The following EFCC1 variants were observed in gnomAD, a reference collection of about 807,000 sequenced individuals.
EFCC1 encodes EF-hand and coiled-coil domain containing 1.
EFCC1 carries 50 observed loss-of-function variants against 52.1 expected under a neutral mutation model. The ratio of observed to expected loss-of-function variants is 0.96; its 90% CI spans 0.76 to 1.21. EFCC1 has a LOEUF of 1.21. EFCC1 is among the 50% of genes most tolerant of loss of function. The probability of loss-of-function intolerance (pLI) is 0.00; values close to 1 mark genes in which losing one functional copy is unlikely to be tolerated. For missense variants in EFCC1, 837 were observed against 867.3 expected (o/e 0.97, Z 0.44); for synonymous variants, 399 against 396.5 (o/e 1.01, Z -0.08).
chr3:129,037,637 C>A (rs1011624799), intron 6 of EFCC1, among the ~76,000 whole-genome samples: 4 of 152,176 alleles, frequency 2.6e-5, no homozygotes, highest in African/African-American at 9.7e-5. Flanking sequence ...AAAATTCAAT[C>A]TCCTTTGATT....
chr3:129,038,772 C>G, intron 6 of EFCC1, 59 bp from the exon 7 acceptor site: 1 of 1,560,288 alleles, frequency 6.4e-7, no homozygotes, highest in Non-Finnish European at 8.8e-7. Context: ...CAGTTCCCAT[C>G]GGCTGAACAG....
chr3:129,018,675 C>T (rs1407866096), intron 2 of EFCC1, among the ~76,000 whole-genome samples: 1 of 152,228 alleles, frequency 6.6e-6, no homozygotes, highest in Non-Finnish European at 1.5e-5. Context: ...GAGCAGGGGA[C>T]TGGGCAGGGG....
intron 5 of EFCC1, among the ~76,000 whole-genome samples, chr3:129,036,403 G>A (rs971342456): frequency 1.3e-5 from 2 of 152,236 alleles, no homozygotes; most frequent in Non-Finnish European, 2.9e-5. Context: ...TTAGAAGGCA[G>A]GGGCCACAAA....
Position 129,039,860 on chromosome 3 carries a change from C to T in EFCC1, c.*12C>T. On this transcript the variant is annotated 3_prime_UTR_variant, in exon 8 of 8. Transcript: ENST00000683648. ...TCGTCTCCTGCTGAGGTTACTGGCC[C>T]ACCCTGTGGGCACCCTGCTCAGCCT... The T allele has an allele frequency of 1.9e-6, 3 of 1,591,340 alleles. No individual in the cohort carries two copies. Among genetic ancestry groups the T allele is most frequent in the Non-Finnish European group, 2.6e-6 (3 of 1,164,808 alleles).
intron 5 of EFCC1, among the ~76,000 whole-genome samples, 170 bp from the exon 6 acceptor site, chr3:129,036,807 A>G (rs1315655137): frequency 2.0e-5 from 3 of 152,250 alleles, no homozygotes; most frequent in Non-Finnish European, 1.5e-5. Flanking sequence ...TAGAGTGGGA[A>G]ACAAAATATA....
intron 4 of EFCC1, 51 bp downstream of exon 4, chr3:129,033,017 G>T: frequency 6.9e-7 from 1 of 1,444,204 alleles, no homozygotes. Flanking sequence ...CTCCAGAGGT[G>T]TCTGGGGAAG....
chr3:129,027,703 C>T (rs1001455375), intron 2 of EFCC1, among the ~76,000 whole-genome samples: 1 of 152,096 alleles, frequency 6.6e-6, no homozygotes, highest in Admixed American at 6.5e-5. Flanking sequence ...CGCCTGTAAT[C>T]TCAGCACTTT....
intron 2 of EFCC1, among the ~76,000 whole-genome samples, chr3:129,023,223 TA>T (rs1420023293): frequency 1.3e-5 from 2 of 152,154 alleles, no homozygotes; most frequent in Admixed American, 1.3e-4. Context: ...GCTTCTAAAT[TA>T]GAGTTTGATT....
rs930752012 is a variant in EFCC1 at position 129,010,943 on chromosome 3, C to G, written c.980+6866C>G. Among the ~76,000 whole-genome samples the G allele has an allele frequency of 6.6e-6, 1 of 152,198 alleles. No homozygotes were observed. On this transcript the variant is annotated intron_variant, in intron 2 of 7. Coordinates refer to ENST00000683648, the MANE Select transcript of EFCC1 (RefSeq NM_001377500.1). This position sits in a 1 kb window ranked among gnomAD's most constrained non-coding sequence, Gnocchi z 4.3. ...GGCCCAGCCCAACCTGGCTTTGATTCCTGGCTCTTCAACATGTGTGGTAGG... is the reference window on the plus strand; with the variant it reads ...GGCCCAGCCCAACCTGGCTTTGATTGCTGGCTCTTCAACATGTGTGGTAGG...
At position 129,039,648 on chromosome 3, in the gene EFCC1, A is replaced by G. The variant is rs1013241281; in HGVS notation, c.1664-64A>G. The G allele has an allele frequency of 4.6e-6, 7 of 1,513,256 alleles. No homozygotes were observed. The African/African-American group carries it at 9.7e-5, about 21-fold the overall frequency. 93.7% of individuals were successfully genotyped at this position (1,513,256 alleles called of 1,614,324 possible). ...TGGCTGGGTCTCAGGAAGGAGGGACAGTGGCTCTGTGGGTGAAGGTGAGCA... is the reference window on the plus strand; with the variant it reads ...TGGCTGGGTCTCAGGAAGGAGGGACGGTGGCTCTGTGGGTGAAGGTGAGCA... On this transcript the variant is annotated intron_variant, in intron 7 of 7. Transcript: ENST00000683648.
chr3:129,020,629 C>T (rs1945796175), intron 2 of EFCC1, among the ~76,000 whole-genome samples: 1 of 152,060 alleles, frequency 6.6e-6, no homozygotes, highest in Non-Finnish European at 1.5e-5. Context: ...AGAGTAACAC[C>T]CTGTCTCAAT....
chr3:129,013,340 T>G (rs1945418961), intron 2 of EFCC1, among the ~76,000 whole-genome samples: 2 of 152,292 alleles, frequency 1.3e-5, no homozygotes, highest in South Asian at 4.1e-4. Flanking sequence ...CTAAAAGCAC[T>G]CTCACTGCCT....
intron 2 of EFCC1, among the ~76,000 whole-genome samples, chr3:129,024,600 A>G (rs1259389269): frequency 1.3e-5 from 2 of 152,168 alleles, no homozygotes; most frequent in Non-Finnish European, 2.9e-5. Context: ...GCTGGGAAGT[A>G]AAGGGCATGT....
chr3:129,003,660 G>A (rs1279559431), intron 1 of EFCC1, 134 bp from the exon 2 acceptor site: 6 of 919,018 alleles, frequency 6.5e-6, no homozygotes, highest in Non-Finnish European at 8.4e-6. Flanking sequence ...CCTGGCACCC[G>A]GAAGCAGACG....
chr3:129,003,809 A>G lies in EFCC1; in HGVS notation c.712A>G (p.Ser238Gly). The G allele has an allele frequency of 6.8e-7, 1 of 1,462,966 alleles. No homozygotes were observed. Among genetic ancestry groups the G allele is most frequent in the Non-Finnish European group, 9.0e-7 (1 of 1,112,148 alleles). The allele number at this position is 1,462,966 out of a possible 1,614,324, so 90.6% of individuals were successfully genotyped here. The change falls in exon 2 of 8, where the codon AGC becomes GGC. Residue 238 changes from serine to glycine, a missense_variant. Coordinates refer to ENST00000683648, the MANE Select transcript of EFCC1 (RefSeq NM_001377500.1). ...CLALQVGLWKSQASTHEMGHG... is the reference protein window; with the variant it reads ...CLALQVGLWKGQASTHEMGHG... ...GTCCCCGCAGGTCGGACTCTGGAAG[A>G]GCCAGGCGAGCACCCACGAGATGGG...
intron 2 of EFCC1, among the ~76,000 whole-genome samples, chr3:129,019,061 A>C (rs1945716759): frequency 6.6e-6 from 1 of 152,198 alleles, no homozygotes; most frequent in African/African-American, 2.4e-5. Context: ...GAACTGTCCC[A>C]GGAGAGGGGT....
rs1029761622 is a variant in EFCC1 at position 129,028,399 on chromosome 3, T to TAA, written c.981-2297_981-2296dup. ...GTGCCCAGTCTAGCCATTTCATTCT[T>TAA]AAAAAAAATAATCTCCATGACTGGA... On this transcript the variant is annotated intron_variant, in intron 2 of 7. Transcript: ENST00000683648. Among the ~76,000 whole-genome samples the TAA allele has an allele frequency of 7.9e-5, 12 of 152,040 alleles. 1 individual carries two copies. Among genetic ancestry groups the TAA allele is most frequent in the African/African-American group, 2.7e-4 (11 of 41,482 alleles).
chr3:129,038,826 T>C lies in EFCC1; in HGVS notation c.1594-5T>C. ...AATCCAGCCTTGTTTCCATTTCTTT[T>C]TAAGAACATATCGAAAAGAGCCCTG... On this transcript the variant is annotated splice_region_variant and splice_polypyrimidine_tract_variant and intron_variant, in intron 6 of 7. Coordinates refer to ENST00000683648, the MANE Select transcript of EFCC1 (RefSeq NM_001377500.1). 6.2e-7 allele frequency: 1 copy of C among 1,613,702 alleles called. No individual in the cohort carries two copies. Among genetic ancestry groups the C allele is most frequent in the Non-Finnish European group, 8.5e-7 (1 of 1,179,974 alleles).
At chr3:129,011,186 A>C (rs75383818) in intron 2 of EFCC1, among the ~76,000 whole-genome samples, 3,103 of 152,300 alleles carry the variant, frequency 0.02, 102 homozygotes, top group African/African-American at 0.069. Context: ...TACCCACTTC[A>C]TGGAGTATTT....
Sources: allele counts gnomAD v4.1 joint callset (sites outside exome capture counted in the v4.1 genomes callset), GRCh38; gene constraint gnomAD v4.1.1; non-coding constraint Gnocchi (gnomAD v3.1); transcripts MANE v1.5; gene names NCBI Gene and HGNC (gene_info 2026-07-23, HGNC 2026-07-21).